SCN9A: variants seen among roughly 807,000 people sequenced by gnomAD.
SCN9A encodes sodium channel protein type 9 subunit alpha.
Under a neutral mutation model 187.0 loss-of-function variants are expected in SCN9A, and 131 were observed. The observed-to-expected ratio is 0.70, with a 90% CI of 0.61 to 0.81. The LOEUF (loss-of-function observed/expected upper bound fraction) is 0.81. Among genes scored for constraint, SCN9A ranks in the 30% least tolerant of loss-of-function variants. The pLI is 0.00. For missense variants in SCN9A, 2,252 were observed against 2,396.6 expected (o/e 0.94, Z 1.26); for synonymous variants, 809 against 808.6 (o/e 1.00, Z -0.01).
chr2:166,292,361 AT>A (rs1218648759), intron 9 of SCN9A, among the ~76,000 whole-genome samples: 3 of 152,154 alleles, frequency 2.0e-5, no homozygotes, highest in East Asian at 3.9e-4. Flanking sequence ...AATTATTTTA[AT>A]TTTTTTATTT....
intron 7 of SCN9A, chr2:166,295,897 G>C (rs545714112): frequency 3.9e-5 from 6 of 152,228 alleles, no homozygotes; most frequent in East Asian, 1.9e-4. Context: ...TGCTGTTAAG[G>C]CTTGTTCCTA....
intron 1 of SCN9A, among the ~76,000 whole-genome samples, chr2:166,373,894 T>A (rs1357419766): frequency 1.3e-5 from 2 of 152,222 alleles, no homozygotes; most frequent in Non-Finnish European, 2.9e-5. Context: ...GATTTTATTA[T>A]TCATGTAAAA....
intron 18 of SCN9A, among the ~76,000 whole-genome samples, chr2:166,243,942 TAGTTAGGAACTA>T (rs1695676134): frequency 6.6e-6 from 1 of 152,040 alleles, no homozygotes; most frequent in Non-Finnish European, 1.5e-5. Context: ...AGGGAAAGAT[TAGTTAGGAACTA>T]GAGTTGTAAC....
chr2:166,329,005 T>C (rs1005705383), intron 1 of SCN9A, among the ~76,000 whole-genome samples: 1 of 152,112 alleles, frequency 6.6e-6, no homozygotes, highest in African/African-American at 2.4e-5. Context: ...TCCCTTAATG[T>C]ACAATATAGT....
intron 21 of SCN9A, among the ~76,000 whole-genome samples, chr2:166,231,372 C>T (rs891060817): frequency 1.3e-5 from 2 of 151,966 alleles, no homozygotes; most frequent in Non-Finnish European, 2.9e-5. Context: ...CCGTTATACA[C>T]TGGATAATTA....
intron 1 of SCN9A, among the ~76,000 whole-genome samples, chr2:166,326,437 TAGAC>T (rs1699365400): frequency 6.6e-6 from 1 of 152,162 alleles, no homozygotes; most frequent in African/African-American, 2.4e-5. Context: ...AGGAAGGAAA[TAGAC>T]AGCTCTACCC....
At chr2:166,373,763 T>G (rs2105334482) in intron 1 of SCN9A, among the ~76,000 whole-genome samples, 1 of 152,274 alleles carries the variant, frequency 6.6e-6, no homozygotes, top group African/African-American at 2.4e-5. Context: ...TCCATTTACA[T>G]CAATAAACTT....
chr2:166,300,234 C>T (rs1698495582), intron 7 of SCN9A, among the ~76,000 whole-genome samples: 1 of 150,894 alleles, frequency 6.6e-6, no homozygotes, highest in African/African-American at 2.5e-5. Flanking sequence ...GCTACTTTCT[C>T]TGTTGCCATT....
chr2:166,363,261 A>C (rs1700333448), intron 1 of SCN9A, among the ~76,000 whole-genome samples: 2 of 152,180 alleles, frequency 1.3e-5, no homozygotes, highest in African/African-American at 4.8e-5. Context: ...ACCGTTGAGA[A>C]AACAAGATAG....
chr2:166,244,356 T>C (rs542177295), intron 18 of SCN9A, among the ~76,000 whole-genome samples: 1 of 152,138 alleles, frequency 6.6e-6, no homozygotes, highest in Admixed American at 6.6e-5. Flanking sequence ...GAGAATTCAA[T>C]GGTGTGCTGA....
In SCN9A at chr2:166,199,373, T is replaced by C. The variant is rs1462480656; in HGVS notation, c.5266A>G (p.Ile1756Val). The change falls in exon 27 of 27, where the codon ATT (isoleucine) becomes GTT (valine). Residue 1756 changes from isoleucine (I) to valine (V), a missense_variant. This residue lies in a region of SCN9A where 345 missense variants were observed against 344.6 expected (regional missense o/e 1.00). Transcript: ENST00000642356. ...ISFLVVVNMY[I>V]AVILENFSVA... ...CTAAAATTCTCCAGTATGACTGCAA[T>C]GTACATGTTCACCACAACCAGGAAG... The C allele has an allele frequency of 6.2e-7, 1 of 1,614,078 alleles. No individual in the cohort carries two copies. The highest frequency in any genetic ancestry group is 8.5e-7 in the Non-Finnish European group (1 of 1,180,048).
At chr2:166,232,989 T>C (rs1695156285) in intron 21 of SCN9A, among the ~76,000 whole-genome samples, 1 of 147,444 alleles carries the variant, frequency 6.8e-6, no homozygotes, top group Admixed American at 6.8e-5. Flanking sequence ...AGTATTTATA[T>C]ATTAGTATGC....
chr2:166,289,660 T>G (rs945468755), intron 9 of SCN9A, among the ~76,000 whole-genome samples: 15 of 152,166 alleles, frequency 9.9e-5, no homozygotes, highest in Admixed American at 3.3e-4. Flanking sequence ...GCATGTGTCT[T>G]TACCATAGAA....
At chr2:166,277,569 T>C in intron 15 of SCN9A, 2 of 447,280 alleles carry the variant, frequency 4.5e-6, no homozygotes, top group Non-Finnish European at 7.9e-6. Context: ...CTATGTACTT[T>C]TAGTTCAGGA....
intron 21 of SCN9A, among the ~76,000 whole-genome samples, chr2:166,232,925 CTAA>C (rs1171983158): frequency 6.1e-5 from 9 of 146,394 alleles, no homozygotes; most frequent in East Asian, 2.0e-4. Context: ...CTAGTATATA[CTAA>C]TGAGTATTAT....
intron 12 of SCN9A, among the ~76,000 whole-genome samples, chr2:166,282,893 G>T (rs571977472): frequency 3.9e-5 from 6 of 152,190 alleles, no homozygotes; most frequent in African/African-American, 1.4e-4. Flanking sequence ...ACAAGAATTT[G>T]TCAGATTAAA....
chr2:166,277,458 T>A, intron 15 of SCN9A, 119 bp from the exon 16 acceptor site: 1 of 624,100 alleles, frequency 1.6e-6, no homozygotes, highest in Non-Finnish European at 2.8e-6. Flanking sequence ...GTCATTATTA[T>A]CCAGCTAAAA....
In SCN9A at chr2:166,198,665, T is replaced by A; in HGVS notation, c.*7A>T. On this transcript the variant is annotated 3_prime_UTR_variant, in exon 27 of 27. Coordinates refer to ENST00000642356, the MANE Select transcript of SCN9A (RefSeq NM_001365536.1). ...CAGGCTGTAAACAATATATCAAAAATGAAGCTCTATTTTTTGCTTTCCTTG... is the reference window on the plus strand; with the variant it reads ...CAGGCTGTAAACAATATATCAAAAAAGAAGCTCTATTTTTTGCTTTCCTTG... 6.4e-7 allele frequency: 1 copy of A among 1,565,232 alleles called. No homozygotes were observed.
intron 12 of SCN9A, among the ~76,000 whole-genome samples, chr2:166,283,151 A>G (rs1166139275): frequency 6.6e-6 from 1 of 152,184 alleles, no homozygotes; most frequent in Non-Finnish European, 1.5e-5. Context: ...ATAATCTCCT[A>G]ATCTGATATA....
Sources: allele counts gnomAD v4.1 joint callset (sites outside exome capture counted in the v4.1 genomes callset), GRCh38; gene constraint gnomAD v4.1.1; regional missense constraint gnomAD v4.1.1; transcripts MANE v1.5; gene names NCBI Gene and HGNC (gene_info 2026-07-23, HGNC 2026-07-21).